The following TCF12 variants were observed in gnomAD, a reference collection of about 807,000 sequenced individuals.
TCF12 encodes the protein transcription factor 12.
A neutral mutation model predicts 86.0 loss-of-function variants in TCF12; 45 were observed. The ratio of observed to expected loss-of-function variants is 0.52; its 90% CI spans 0.41 to 0.67. TCF12 has a LOEUF of 0.67. Among genes scored for constraint, TCF12 ranks in the 30% least tolerant of loss-of-function variants. The pLI, the probability that TCF12 is intolerant of heterozygous loss-of-function variation, is 0.00. For missense variants in TCF12, 881 were observed against 859.9 expected, an observed-to-expected ratio of 1.02 and a Z score of -0.31; for synonymous variants, 330 against 299.6, an observed-to-expected ratio of 1.10 and a Z score of -1.05.
intron 3 of TCF12, 22 bp from the exon 4 acceptor site, chr15:57,063,728 T>G: frequency 6.3e-7 from 1 of 1,585,412 alleles, no homozygotes. Flanking sequence ...TAGATATATC[T>G]TTTATTTTCT....
At chr15:57,260,160 G>A (rs1274943313) in intron 16 of TCF12, among the ~76,000 whole-genome samples, 1 of 152,146 alleles carries the variant, frequency 6.6e-6, no homozygotes, top group African/African-American at 2.4e-5. Flanking sequence ...GTTCTATAGT[G>A]TAAAAATATT....
chr15:57,036,767 A>G (rs1314144751), intron 3 of TCF12, among the ~76,000 whole-genome samples: 6 of 152,106 alleles, frequency 3.9e-5, no homozygotes, highest in Non-Finnish European at 8.8e-5. Context: ...AATTCTGTAG[A>G]TTCTTTTAGG....
At chr15:56,978,342 A>G (rs574083501) in intron 3 of TCF12, among the ~76,000 whole-genome samples, 1 of 152,230 alleles carries the variant, frequency 6.6e-6, no homozygotes, top group Non-Finnish European at 1.5e-5. Flanking sequence ...ATAAATTTTT[A>G]GGGAAATGTG....
intron 3 of TCF12, among the ~76,000 whole-genome samples, chr15:57,016,117 G>A (rs2065140763): frequency 6.6e-6 from 1 of 152,158 alleles, no homozygotes; most frequent in Admixed American, 6.5e-5. Flanking sequence ...TTATCTCTAG[G>A]ATGGAGTCAT....
intron 8 of TCF12, among the ~76,000 whole-genome samples, chr15:57,200,475 TA>T (rs2057485979): frequency 6.6e-6 from 1 of 152,208 alleles, no homozygotes; most frequent in Non-Finnish European, 1.5e-5. Context: ...ATGTATATTT[TA>T]TTTTATGATA....
chr15:57,115,722 T>A (rs1343951854), intron 5 of TCF12, among the ~76,000 whole-genome samples: 1 of 152,208 alleles, frequency 6.6e-6, no homozygotes, highest in Non-Finnish European at 1.5e-5. Flanking sequence ...GCTTAATTCC[T>A]AGCAGAGAAG....
chr15:56,926,714 C>T (rs771829564), intron 3 of TCF12, among the ~76,000 whole-genome samples: 6 of 152,174 alleles, frequency 3.9e-5, no homozygotes, highest in Non-Finnish European at 5.9e-5. Flanking sequence ...AGCTGGACTA[C>T]AGGTGTTCAG....
intron 8 of TCF12, among the ~76,000 whole-genome samples, chr15:57,210,744 G>T (rs755902404): frequency 6.6e-6 from 1 of 152,036 alleles, no homozygotes; most frequent in East Asian, 1.9e-4. Flanking sequence ...CCTCAAGATC[G>T]CGCACCTATA....
At chr15:57,071,402 T>G (rs1472121474) in intron 4 of TCF12, among the ~76,000 whole-genome samples, 1 of 151,972 alleles carries the variant, frequency 6.6e-6, no homozygotes, top group Non-Finnish European at 1.5e-5. Flanking sequence ...CCCAGCACTT[T>G]GGGAAGCTGA....
At chr15:57,279,930 G>T (rs929652216) in intron 19 of TCF12, among the ~76,000 whole-genome samples, 25 of 102,236 alleles carry the variant, frequency 2.4e-4, no homozygotes, top group Admixed American at 5.5e-4. Context: ...TGCTCTTCTT[G>T]TCGCCCAGGC....
chr15:57,252,986 T>A (rs926575995), intron 15 of TCF12, among the ~76,000 whole-genome samples: 8 of 151,798 alleles, frequency 5.3e-5, no homozygotes, highest in Non-Finnish European at 1.0e-4. Context: ...TATCCTTCAT[T>A]TTTTGTAGAA....
chr15:56,985,752 C>T (rs1441783065), intron 3 of TCF12, among the ~76,000 whole-genome samples: 1 of 152,122 alleles, frequency 6.6e-6, no homozygotes, highest in Non-Finnish European at 1.5e-5. Flanking sequence ...CACCAAAGCT[C>T]ATGAAGCCTA....
At chr15:57,244,021 G>A (rs115369033) in intron 13 of TCF12, among the ~76,000 whole-genome samples, 2,051 of 152,136 alleles carry the variant, frequency 0.013, 51 homozygotes, top group African/African-American at 0.043. Context: ...TGGGAATACA[G>A]GTGTATGCCA....
chr15:56,980,578 A>G (rs1679632935), intron 3 of TCF12, among the ~76,000 whole-genome samples: 2 of 152,206 alleles, frequency 1.3e-5, no homozygotes, highest in South Asian at 2.1e-4. Context: ...TTGTAGTACA[A>G]AACAGACTAA....
At chr15:57,155,598 C>T (rs2054060006) in intron 5 of TCF12, among the ~76,000 whole-genome samples, 2 of 152,128 alleles carry the variant, frequency 1.3e-5, no homozygotes, top group South Asian at 4.2e-4. Context: ...AGTTCAAGAC[C>T]AGCCTGGGCA....
At chr15:57,158,168 A>G (rs2054246744) in intron 5 of TCF12, among the ~76,000 whole-genome samples, 1 of 150,638 alleles carries the variant, frequency 6.6e-6, no homozygotes, top group African/African-American at 2.4e-5. Context: ...CACAGATGTT[A>G]AAGTCTCAGA....
intron 8 of TCF12, among the ~76,000 whole-genome samples, chr15:57,224,276 C>CA (rs1442670197): frequency 1.3e-5 from 2 of 151,888 alleles, no homozygotes; most frequent in Non-Finnish European, 2.9e-5. Flanking sequence ...TTGATTTGTT[C>CA]AGTATATTAT....
At chr15:57,071,282 C>T (rs189350309) in intron 4 of TCF12, among the ~76,000 whole-genome samples, 6 of 150,584 alleles carry the variant, frequency 4.0e-5, no homozygotes, top group Admixed American at 2.6e-4. Context: ...TCTGGTGGTG[C>T]GCACCTGTGG....
chr15:57,138,374 A>T (rs2052707742), intron 5 of TCF12, among the ~76,000 whole-genome samples: 1 of 152,136 alleles, frequency 6.6e-6, no homozygotes, highest in Admixed American at 6.5e-5. Context: ...AATGTGCCTT[A>T]TCTTAAAGCC....
Sources: gnomAD v4.1 joint callset for allele counts (sites outside exome capture counted in the v4.1 genomes callset) on GRCh38, gnomAD v4.1.1 for gene constraint, MANE v1.5 for transcripts, NCBI Gene and HGNC (gene_info 2026-07-23, HGNC 2026-07-21) for gene names.